Variants in SHROOM3 observed in about 807,000 individuals in gnomAD.
SHROOM3 encodes shroom family member 3.
In SHROOM3, 47 loss-of-function variants were observed where a neutral mutation model predicts 138.6. The ratio of observed to expected loss-of-function variants is 0.34; its 90% CI spans 0.27 to 0.43. The LOEUF (loss-of-function observed/expected upper bound fraction) is 0.43, where lower values mean the gene tolerates loss of function less well. SHROOM3 is among the 20% of genes least tolerant of loss of function. SHROOM3 has a pLI of 1.00. For missense variants in SHROOM3, 2,491 were observed against 2,596.5 expected, an observed-to-expected ratio of 0.96 and a Z score of 0.88; for synonymous variants, 1,062 against 1,063.3, an observed-to-expected ratio of 1.00 and a Z score of 0.02.
At chr4:76,716,928 CT>C (rs1268609081) in intron 3 of SHROOM3, among the ~76,000 whole-genome samples, 2 of 152,106 alleles carry the variant, frequency 1.3e-5, no homozygotes, top group Non-Finnish European at 2.9e-5. Context: ...GATGCACTTC[CT>C]TTTTTTACAC....
rs375102564 is a variant in SHROOM3 at position 76,625,746 on chromosome 4, C to G, written c.323+69983C>G. On this transcript the variant is annotated intron_variant, in intron 2 of 10. Transcript: ENST00000296043. The stretch of plus-strand genomic sequence containing the variant: ...CTAACTAGAAGGCTTATCCTCCCCT[C>G]TCTAAAGGCTGGCAAATATTCTCAT... 2.0e-5 allele frequency among the ~76,000 whole-genome samples: 3 copies of G among 152,204 alleles called. No homozygotes were observed. In the East Asian group the frequency reaches 5.8e-4, roughly 29 times the overall value.
intron 2 of SHROOM3, among the ~76,000 whole-genome samples, chr4:76,632,573 G>A (rs1487532420): frequency 6.6e-6 from 1 of 152,212 alleles, no homozygotes; most frequent in African/African-American, 2.4e-5. Context: ...TGGAGGGGAA[G>A]AAGGCTGAAC....
At chr4:76,732,145 C>T (rs11735292) in intron 4 of SHROOM3, among the ~76,000 whole-genome samples, 12,827 of 152,246 alleles carry the variant, frequency 0.084, 777 homozygotes, top group East Asian at 0.22. Context: ...AGTTAGACTC[C>T]GTAGCTTATC....
intron 4 of SHROOM3, among the ~76,000 whole-genome samples, chr4:76,736,567 C>T (rs546814216): frequency 2.6e-5 from 4 of 152,314 alleles, no homozygotes; most frequent in African/African-American, 9.6e-5. Flanking sequence ...CATTTATTTA[C>T]ATGTAATCTA....
intron 2 of SHROOM3, among the ~76,000 whole-genome samples, chr4:76,600,631 G>A (rs902923827): frequency 5.3e-5 from 8 of 152,104 alleles, no homozygotes; most frequent in Admixed American, 2.0e-4. Context: ...ATAAGAGACC[G>A]GGTGACTGTA....
Position 76,754,475 on chromosome 4 carries a change from G to C in SHROOM3, c.3992G>C (p.Cys1331Ser). Residue 1331 changes from cysteine (C) to serine (S), a missense_variant, in exon 7 of 11, where the codon TGC becomes TCC. Transcript: ENST00000296043. Reference protein sequence around the residue: ...DHQRQASRTPCPRPPLAGTQG... With the variant: ...DHQRQASRTPSPRPPLAGTQG... ...CAGAGGCAAGCCAGTAGGACACCCT[G>C]CCCCAGGCCACCACTGGCAGGAACG... 6.2e-7 allele frequency: 1 copy of C among 1,614,124 alleles called. No homozygotes were observed. The highest frequency in any genetic ancestry group is 8.5e-7 in the Non-Finnish European group (1 of 1,180,008).
intron 1 of SHROOM3, among the ~76,000 whole-genome samples, chr4:76,468,716 T>A (rs1731298431): frequency 6.6e-6 from 1 of 152,052 alleles, no homozygotes; most frequent in African/African-American, 2.4e-5. Flanking sequence ...GTGATTCAGT[T>A]AAGGCAGATA....
intron 1 of SHROOM3, among the ~76,000 whole-genome samples, chr4:76,455,817 G>A (rs1422846819): frequency 2.0e-5 from 3 of 151,866 alleles, no homozygotes; most frequent in African/African-American, 4.8e-5. Context: ...AGTCTTTTTT[G>A]GAAGGCACCA....
At chr4:76,763,910 C>T (rs944725897) in intron 9 of SHROOM3, among the ~76,000 whole-genome samples, 2 of 152,122 alleles carry the variant, frequency 1.3e-5, no homozygotes, top group Admixed American at 6.5e-5. Flanking sequence ...ATACAACAAG[C>T]TTTTCTAATG....
chr4:76,672,888 A>G (rs544488077), intron 2 of SHROOM3, among the ~76,000 whole-genome samples: 1 of 152,286 alleles, frequency 6.6e-6, no homozygotes, highest in South Asian at 2.1e-4. Flanking sequence ...ATGCATTTTA[A>G]TTTGGTGAAA....
At chr4:76,778,664 CAAAA>C in intron 10 of SHROOM3, 141 bp from the exon 11 acceptor site, 1 of 1,053,770 alleles carries the variant, frequency 9.5e-7, no homozygotes, top group East Asian at 2.5e-5. Flanking sequence ...ATCTGATTTT[CAAAA>C]AGTTAGCCTC....
At chr4:76,735,818 C>G (rs1254611343) in intron 4 of SHROOM3, among the ~76,000 whole-genome samples, 1 of 119,980 alleles carries the variant, frequency 8.3e-6, no homozygotes, top group Non-Finnish European at 1.6e-5. Context: ...CCGTCCTGGG[C>G]GACAGACCGA....
chr4:76,771,427 AAGT>A (rs1009309794), intron 10 of SHROOM3, among the ~76,000 whole-genome samples: 3 of 152,154 alleles, frequency 2.0e-5, no homozygotes, highest in African/African-American at 7.2e-5. Flanking sequence ...ATTCTTGGGA[AAGT>A]AAGAACCACA....
At chr4:76,640,502 C>A (rs1002621770) in intron 2 of SHROOM3, among the ~76,000 whole-genome samples, 3 of 152,294 alleles carry the variant, frequency 2.0e-5, no homozygotes, top group Admixed American at 2.0e-4. Context: ...ACTAATTATT[C>A]AGACCTCCTC....
chr4:76,449,134 G>A (rs140699657), intron 1 of SHROOM3, among the ~76,000 whole-genome samples: 1 of 152,290 alleles, frequency 6.6e-6, no homozygotes, highest in East Asian at 1.9e-4. Context: ...CCGTCTGAGA[G>A]TAGGATCCAC....
rs951336106 is a variant in SHROOM3 at position 76,620,221 on chromosome 4, T to A, written c.323+64458T>A. Reference sequence around the variant, plus strand: ...GCAATTTGGGAAGACAGTCTGGGACTTTTTTGTTTGTTCTGGGAAAAGGTG... The same window carrying A: ...GCAATTTGGGAAGACAGTCTGGGACATTTTTGTTTGTTCTGGGAAAAGGTG... On this transcript the variant is annotated intron_variant, in intron 2 of 10. Transcript: ENST00000296043. Among the ~76,000 whole-genome samples, 3 of 152,146 alleles carry A rather than the reference T, an allele frequency of 2.0e-5. 1 individual carries two copies. Among genetic ancestry groups the A allele is most frequent in the African/African-American group, 7.2e-5 (3 of 41,426 alleles).
chr4:76,745,743 G>C (rs1393432771), intron 5 of SHROOM3, among the ~76,000 whole-genome samples: 1 of 152,216 alleles, frequency 6.6e-6, no homozygotes, highest in East Asian at 1.9e-4. Context: ...CACCTTGGGA[G>C]GCCGAGGTGG....
intron 2 of SHROOM3, among the ~76,000 whole-genome samples, chr4:76,603,526 A>G (rs1018587292): frequency 1.3e-5 from 2 of 152,148 alleles, no homozygotes; most frequent in South Asian, 2.1e-4. Flanking sequence ...CTGACTTTCT[A>G]TGTAGTATGA....
chr4:76,678,285 G>T (rs933989719), intron 2 of SHROOM3, among the ~76,000 whole-genome samples: 14 of 152,098 alleles, frequency 9.2e-5, no homozygotes, highest in African/African-American at 3.4e-4. Context: ...TTGACATAGA[G>T]CACCAAATAA....
Sources: allele counts gnomAD v4.1 joint callset (sites outside exome capture counted in the v4.1 genomes callset), GRCh38; gene constraint gnomAD v4.1.1; transcripts MANE v1.5; gene names NCBI Gene and HGNC (gene_info 2026-07-23, HGNC 2026-07-21).